The following LOC728743 variants were observed in gnomAD, a reference collection of about 807,000 sequenced individuals.
the LOC728743 span, among the ~76,000 whole-genome samples, chr7:150,401,822 A>T: frequency 4.6e-5 from 7 of 152,190 alleles, no homozygotes; most frequent in Non-Finnish European, 2.9e-5. Flanking sequence ...ACTGAACTTT[A>T]TTCAATTTTA....
chr7:150,401,345 A>G, the LOC728743 span, among the ~76,000 whole-genome samples: 1 of 152,234 alleles, frequency 6.6e-6, no homozygotes, highest in African/African-American at 2.4e-5. Flanking sequence ...GACGGAGGGT[A>G]GACTGCAGTG....
the LOC728743 span, among the ~76,000 whole-genome samples, chr7:150,409,053 C>G: frequency 6.6e-6 from 1 of 151,778 alleles, no homozygotes; most frequent in East Asian, 1.9e-4. Context: ...CTCTTCGTCA[C>G]CCAGGGGAGT....
At chr7:150,407,767 G>A in the LOC728743 span, 8 of 400,762 alleles carry the variant, frequency 2.0e-5, no homozygotes, top group Non-Finnish European at 1.8e-5. Context: ...AGCCCAGCCT[G>A]GTGCGGCACC....
At chr7:150,403,468 A>G in the LOC728743 span, among the ~76,000 whole-genome samples, 1 of 152,162 alleles carries the variant, frequency 6.6e-6, no homozygotes, top group East Asian at 1.9e-4. The surrounding 1 kb of genome is among the most constrained non-coding windows in gnomAD (Gnocchi z 5.1). Context: ...CTTTTGAAAA[A>G]CATGGTGTTC....
chr7:150,404,779 T>C, the LOC728743 span: 9 of 152,380 alleles, frequency 5.9e-5, no homozygotes, highest in Non-Finnish European at 1.2e-4. Flanking sequence ...CTGGTCACTC[T>C]AGTGATATAA....
the LOC728743 span, chr7:150,407,539 C>G: frequency 2.8e-5 from 11 of 398,118 alleles, no homozygotes; most frequent in Non-Finnish European, 4.9e-5. Context: ...TCCCCGACCC[C>G]TCTCTCTCCA....
the LOC728743 span, among the ~76,000 whole-genome samples, chr7:150,404,036 G>A: frequency 1.3e-5 from 2 of 152,136 alleles, no homozygotes; most frequent in Non-Finnish European, 1.5e-5. Flanking sequence ...TCATGGTATC[G>A]GGAGGCCCGC....
At chr7:150,407,238 G>A in the LOC728743 span, among the ~76,000 whole-genome samples, 1 of 152,162 alleles carries the variant, frequency 6.6e-6, no homozygotes, top group South Asian at 2.1e-4. Context: ...GGTGCTGGGA[G>A]TCGGGGGACA....
chr7:150,407,244 G>A, the LOC728743 span, among the ~76,000 whole-genome samples: 4 of 152,166 alleles, frequency 2.6e-5, no homozygotes, highest in Non-Finnish European at 2.9e-5. Flanking sequence ...GGGAGTCGGG[G>A]GACAGAGGTG....
the LOC728743 span, among the ~76,000 whole-genome samples, chr7:150,402,786 G>C: frequency 6.6e-6 from 1 of 152,196 alleles, no homozygotes; most frequent in Non-Finnish European, 1.5e-5. Context: ...TGGAGGATGC[G>C]GGGAGCAGGG....
At chr7:150,410,810 A>T in the LOC728743 span, 1 of 152,228 alleles carries the variant, frequency 6.6e-6, no homozygotes, top group East Asian at 1.9e-4. Context: ...ACTCCAGGCT[A>T]AGAACCTCAG....
chr7:150,404,170 G>T, the LOC728743 span, among the ~76,000 whole-genome samples: 5 of 152,200 alleles, frequency 3.3e-5, no homozygotes, highest in Non-Finnish European at 7.3e-5. Flanking sequence ...GCTACAGAGA[G>T]GCCACAGAGA....
At chr7:150,401,658 G>C in the LOC728743 span, among the ~76,000 whole-genome samples, 1 of 152,280 alleles carries the variant, frequency 6.6e-6, no homozygotes, top group East Asian at 1.9e-4. Context: ...AGCCTCTTTT[G>C]GGTTGACTGG....
the LOC728743 span, among the ~76,000 whole-genome samples, chr7:150,407,419 G>C: frequency 3.5e-3 from 535 of 152,264 alleles, 3 homozygotes; most frequent in African/African-American, 0.012. Context: ...GGAGGAAGAG[G>C]AACACCAATT....
the LOC728743 span, chr7:150,407,972 G>C: frequency 5.0e-6 from 2 of 403,714 alleles, no homozygotes; most frequent in African/African-American, 4.1e-5. Flanking sequence ...CCACAGCGGC[G>C]AGAAGCCGCA....
chr7:150,402,705 G>C, the LOC728743 span, among the ~76,000 whole-genome samples: 1 of 152,234 alleles, frequency 6.6e-6, no homozygotes, highest in Admixed American at 6.5e-5. Flanking sequence ...AGATGGGAGA[G>C]GCTTGTCAAG....
the LOC728743 span, chr7:150,412,102 C>T: frequency 3.3e-5 from 5 of 152,324 alleles, no homozygotes; most frequent in Admixed American, 3.3e-4. Flanking sequence ...CTGTCATTTC[C>T]TCTTGAGTCC....
chr7:150,407,486 G>C, the LOC728743 span: 222 of 397,540 alleles, frequency 5.6e-4, 1 homozygote, highest in Middle Eastern at 2.5e-3. Context: ...GGTTGTGGGA[G>C]GTGAGTGTCC....
At chr7:150,409,145 G>GC in the LOC728743 span, among the ~76,000 whole-genome samples, 1 of 80,406 alleles carries the variant, frequency 1.2e-5, no homozygotes, top group African/African-American at 4.4e-5. Context: ...TTTCAAGGGA[G>GC]GGGGGGTCCT....
Sources: gnomAD v4.1 joint callset for allele counts (sites outside exome capture counted in the v4.1 genomes callset) on GRCh38, gnomAD v4.1.1 for gene constraint, Gnocchi (gnomAD v3.1) non-coding constraint, MANE v1.5 for transcripts.